Variants in ATAT1 observed in about 807,000 individuals in gnomAD.
ATAT1 encodes the protein alpha tubulin acetyltransferase 1, also known as alpha-tubulin N-acetyltransferase 1.
In ATAT1, 42 loss-of-function variants were observed where a neutral mutation model predicts 57.2. The ratio of observed to expected loss-of-function variants is 0.73; its 90% CI spans 0.57 to 0.95. The LOEUF (loss-of-function observed/expected upper bound fraction) is 0.95. Ranked by LOEUF, ATAT1 falls within the 40% of genes least tolerant of loss-of-function variation. ATAT1 has a pLI of 0.00. For synonymous variants in ATAT1, 168 were observed against 187.1 expected (o/e 0.90, Z 0.83); for missense variants, 454 against 523.7 (o/e 0.87, Z 1.30).
chr6:30,628,856 G>C (rs1485010616), intron 6 of ATAT1, among the ~76,000 whole-genome samples: 2 of 151,088 alleles, frequency 1.3e-5, no homozygotes, highest in East Asian at 3.9e-4. Flanking sequence ...GCCCGCCTTG[G>C]CCTCCCAAAA....
intron 10 of ATAT1, 137 bp from the exon 11 acceptor site, chr6:30,645,758 A>G: frequency 3.2e-6 from 2 of 633,856 alleles, no homozygotes. Context: ...GCTTTGATTA[A>G]AACCTGTTAG....
chr6:30,645,623 T>A (rs1191609913), intron 10 of ATAT1, among the ~76,000 whole-genome samples: 1 of 152,194 alleles, frequency 6.6e-6, no homozygotes, highest in Non-Finnish European at 1.5e-5. Flanking sequence ...CTGACATGAT[T>A]TGGATCACAC....
At chr6:30,633,282 G>A (rs941914656) in intron 6 of ATAT1, among the ~76,000 whole-genome samples, 1 of 152,182 alleles carries the variant, frequency 6.6e-6, no homozygotes, top group Non-Finnish European at 1.5e-5. Flanking sequence ...GATATGTCCA[G>A]GTTTGAGTAG....
rs577734579 is a variant in ATAT1, at chr6:30,627,650, C to T, written c.147C>T (p.Ser49=). The change falls in exon 3 of 13, where the codon TCC becomes TCT. Residue 49 remains serine (S), a synonymous_variant. Transcript: ENST00000330083. ...CTTCCCTGCAGGCCCAGAATCTTTC[C>T]GCTCCTATCACTAGTGCATCAAGGA... 454 of 1,612,958 alleles carry T rather than the reference C, an allele frequency of 2.8e-4. 2 individuals are homozygous for T. In the South Asian group the frequency reaches 3.4e-3, roughly 12 times the overall value.
At chr6:30,631,344 G>C (rs1033477489) in intron 6 of ATAT1, among the ~76,000 whole-genome samples, 5 of 151,822 alleles carry the variant, frequency 3.3e-5, no homozygotes, top group Non-Finnish European at 7.4e-5. Context: ...AAAATTAGCT[G>C]GGTGCCTGTA....
chr6:30,628,949 T>A (rs1213215551), intron 6 of ATAT1, among the ~76,000 whole-genome samples: 1 of 151,268 alleles, frequency 6.6e-6, no homozygotes, highest in Non-Finnish European at 1.5e-5. Context: ...TTGCCCAAGC[T>A]GGAGTGCTAT....
intron 6 of ATAT1, among the ~76,000 whole-genome samples, chr6:30,634,663 G>GAA (rs9278741): frequency 2.4e-4 from 20 of 84,208 alleles, no homozygotes; most frequent in Non-Finnish European, 3.1e-4. Flanking sequence ...CTCAAAGGAG[G>GAA]AAAAAAAAAA....
chr6:30,643,322 C>T, intron 10 of ATAT1: 1 of 1,424,844 alleles, frequency 7.0e-7, no homozygotes, highest in Non-Finnish European at 9.2e-7. Flanking sequence ...AAAATCTTCG[C>T]TTAATACTTG....
chr6:30,635,063 C>T (rs891490315), intron 6 of ATAT1, among the ~76,000 whole-genome samples: 2 of 152,104 alleles, frequency 1.3e-5, no homozygotes, highest in African/African-American at 4.8e-5. Context: ...TTAGTTGTAC[C>T]ATAAGTAGTT....
chr6:30,630,867 G>T (rs945065903), intron 6 of ATAT1, among the ~76,000 whole-genome samples: 9 of 151,976 alleles, frequency 5.9e-5, no homozygotes, highest in African/African-American at 2.2e-4. Flanking sequence ...GAACCCCGGA[G>T]GCAGAGGTTA....
chr6:30,642,833 G>GGGGGGGGCCGCCCC lies in ATAT1; in HGVS notation c.754_755insGGGGGGGCCGCCCC (p.Ala252GlyfsTer72). On this transcript the variant is annotated frameshift_variant, in exon 10 of 13. Coordinates refer to ENST00000330083, the MANE Select transcript of ATAT1 (RefSeq NM_001031722.4). LOFTEE classifies it high-confidence loss of function. The stretch of plus-strand genomic sequence containing the variant: ...GGCCCCTCGCCGCGCCACACCTCCA[G>GGGGGGGGCCGCCCC]CCCACCCACCCCCCCGCTCCAGCAG... The GGGGGGGGCCGCCCC allele has an allele frequency of 1.3e-6, 2 of 1,537,874 alleles. No individual in the cohort carries two copies. Among genetic ancestry groups the GGGGGGGGCCGCCCC allele is most frequent in the Non-Finnish European group, 1.7e-6 (2 of 1,145,780 alleles).
At position 30,646,736 on chromosome 6, in the gene ATAT1, T is replaced by C. The variant is rs1272579394; in HGVS notation, c.*93T>C. 2 of 1,387,266 alleles carry C rather than the reference T, an allele frequency of 1.4e-6. No individual in the cohort carries two copies. Among genetic ancestry groups the C allele is most frequent in the Admixed American group, 3.1e-5 (1 of 32,592 alleles). 85.9% of individuals were successfully genotyped at this position (1,387,266 alleles called of 1,614,324 possible). On this transcript the variant is annotated 3_prime_UTR_variant, in exon 13 of 13. Coordinates refer to ENST00000330083, the MANE Select transcript of ATAT1 (RefSeq NM_001031722.4). ...CCCTCATAATAGATGGATACATTCA[T>C]TCATTCATTCATTCAGCAGGCTTAT... is the stretch of plus-strand genomic sequence containing the variant.
chr6:30,636,710 A>G (rs1037508720), intron 6 of ATAT1, among the ~76,000 whole-genome samples: 4 of 152,124 alleles, frequency 2.6e-5, no homozygotes, highest in African/African-American at 9.7e-5. Context: ...GCTGGTAGAC[A>G]TTACAACAAG....
rs757455483 is a variant in ATAT1 at position 30,627,259 on chromosome 6, T to G, written c.56T>G (p.Val19Gly). Reference sequence around the variant, plus strand: ...ACAATAACCTTAAGGGAGGAGGGAGTGTGCCACCTTGAAAGGTGTGACAGA... The same window carrying G: ...ACAATAACCTTAAGGGAGGAGGGAGGGTGCCACCTTGAAAGGTGTGACAGA... The change falls in exon 1 of 13, where the codon GTG becomes GGG. Residue 19 changes from valine to glycine, a missense_variant. Val to Gly is a moderately radical substitution (Grantham distance 109). Around this residue, in one of 3 missense-constraint regions of ATAT1, gnomAD observed 236 missense variants for 284.5 expected, o/e 0.83. Coordinates refer to ENST00000330083, the MANE Select transcript of ATAT1 (RefSeq NM_001031722.4). The G allele has an allele frequency of 6.2e-7, 1 of 1,613,252 alleles. No homozygotes were observed. The highest frequency in any genetic ancestry group is 8.5e-7 in the Non-Finnish European group (1 of 1,179,758).
intron 9 of ATAT1, among the ~76,000 whole-genome samples, chr6:30,642,561 T>A (rs760038005): frequency 3.3e-5 from 5 of 151,696 alleles, no homozygotes; most frequent in Non-Finnish European, 4.4e-5. Flanking sequence ...GAGAATGGCT[T>A]GAACCCAGGA....
chr6:30,635,388 C>G (rs180941778), intron 6 of ATAT1, among the ~76,000 whole-genome samples: 1 of 151,924 alleles, frequency 6.6e-6, no homozygotes, highest in Admixed American at 6.6e-5. Context: ...CACCTGAGGT[C>G]AGGAGTTCAA....
chr6:30,641,352 G>A (rs533320638), intron 8 of ATAT1, among the ~76,000 whole-genome samples: 1 of 152,192 alleles, frequency 6.6e-6, no homozygotes, highest in Non-Finnish European at 1.5e-5. Flanking sequence ...ACCTCAACTC[G>A]CTTTGGTTTC....
In ATAT1 at chr6:30,626,882, G is replaced by C. The variant is rs984636014; in HGVS notation, c.-322G>C. 1.2e-6 allele frequency: 2 copies of C among 1,604,840 alleles called. No individual in the cohort carries two copies. Among genetic ancestry groups the C allele is most frequent in the Non-Finnish European group, 1.7e-6 (2 of 1,176,518 alleles). ...GGGGCGGGTCCGACCGCGCACAATGGGCCATGGAGTTCCCGTTCGATGTGG... is the reference window on the plus strand; with the variant it reads ...GGGGCGGGTCCGACCGCGCACAATGCGCCATGGAGTTCCCGTTCGATGTGG... On this transcript the variant is annotated 5_prime_UTR_variant, in exon 1 of 13. Transcript: ENST00000330083.
Position 30,627,257 on chromosome 6 carries a change from A to G in ATAT1, c.54A>G (p.Gly18=). Residue 18 remains glycine, a synonymous_variant, in exon 1 of 13, where the codon GGA becomes GGG. Transcript: ENST00000330083. ...TCACAATAACCTTAAGGGAGGAGGG[A>G]GTGTGCCACCTTGAAAGGTGTGACA... 1 of 1,613,782 alleles carries G rather than the reference A, an allele frequency of 6.2e-7. No homozygotes were observed. Among genetic ancestry groups the G allele is most frequent in the Non-Finnish European group, 8.5e-7 (1 of 1,179,848 alleles).
Sources: allele counts gnomAD v4.1 joint callset (sites outside exome capture counted in the v4.1 genomes callset), GRCh38; gene constraint gnomAD v4.1.1; regional missense constraint gnomAD v4.1.1; transcripts MANE v1.5; gene names NCBI Gene and HGNC (gene_info 2026-07-23, HGNC 2026-07-21).